AFAP1L1: variants seen among roughly 807,000 people sequenced by gnomAD.
AFAP1L1 encodes the protein actin filament associated protein 1 like 1.
AFAP1L1 carries 77 observed loss-of-function variants against 99.8 expected under a neutral mutation model. The observed-to-expected ratio is 0.77, with a 90% CI of 0.64 to 0.93. The LOEUF (loss-of-function observed/expected upper bound fraction) is 0.93. AFAP1L1 is among the 40% of genes least tolerant of loss of function. The pLI, the probability that AFAP1L1 is intolerant of heterozygous loss-of-function variation, is 0.00. For missense variants in AFAP1L1, 893 were observed against 996.8 expected, an observed-to-expected ratio of 0.90 and a Z score of 1.40; for synonymous variants, 373 against 395.3, an observed-to-expected ratio of 0.94 and a Z score of 0.67.
Position 149,322,618 on chromosome 5 carries a change from G to T in AFAP1L1, c.1711G>T (p.Glu571Ter), listed in dbSNP as rs368895712. The stretch of plus-strand genomic sequence containing the variant: ...CATCTCCCACCAGGACGAGGAGCCC[G>T]AGCGCCCCACAGGGGCCCAGGTGAA... ...PYEKMQDEEP[E>*]RPTGAQVKRH... Residue 571 changes from glutamate (E) to a stop codon, truncating the protein, a stop_gained, in exon 15 of 19, where the codon GAG becomes TAG. Transcript: ENST00000296721. LOFTEE classifies it high-confidence loss of function. 1.9e-6 allele frequency: 3 copies of T among 1,578,034 alleles called. No individual in the cohort carries two copies. The highest frequency in any genetic ancestry group is 1.7e-6 in the Non-Finnish European group (2 of 1,160,708).
intron 1 of AFAP1L1, among the ~76,000 whole-genome samples, chr5:149,297,449 A>T (rs1036576556): frequency 6.6e-6 from 1 of 152,134 alleles, no homozygotes; most frequent in Non-Finnish European, 1.5e-5. Flanking sequence ...CTGAAAAAAA[A>T]GGCATCCCAA....
rs557717575 is a variant in AFAP1L1, at chr5:149,307,818, T to TTCTCTCTCTGTCTCTC, written c.747+214_747+215insGTCTCTCTCTCTCTCT. On this transcript the variant is annotated intron_variant, in intron 7 of 18. Coordinates refer to ENST00000296721, the MANE Select transcript of AFAP1L1 (RefSeq NM_152406.4). Reference sequence around the variant, plus strand: ...ACACACACACACCCTGTGCCTCTCTTTCTCTCTCTCTCTCTCTCTCTCTCT... The same window carrying TTCTCTCTCTGTCTCTC: ...ACACACACACACCCTGTGCCTCTCTTTCTCTCTCTGTCTCTCTCTCTCTCTCTCTCTCTCTCTCTCT... Among the ~76,000 whole-genome samples the TTCTCTCTCTGTCTCTC allele has an allele frequency of 1.2e-3, 121 of 100,568 alleles. 2 individuals are homozygous for TTCTCTCTCTGTCTCTC. The highest frequency in any genetic ancestry group is 3.4e-3 in the Admixed American group (27 of 7,984). The allele number at this position is 100,568 out of a possible 152,430, so 66.0% of individuals were successfully genotyped here. A position where few individuals can be genotyped will look rare whatever the true frequency, so the allele number is the denominator to read the frequency against.
chr5:149,272,639 A>C (rs1246786918), intron 1 of AFAP1L1, among the ~76,000 whole-genome samples: 1 of 152,294 alleles, frequency 6.6e-6, no homozygotes, highest in Non-Finnish European at 1.5e-5. Context: ...GGACTTACTG[A>C]AATTGAGATT....
intron 8 of AFAP1L1, 22 bp from the exon 9 acceptor site, chr5:149,312,090 C>T (rs1756647722): frequency 2.5e-6 from 4 of 1,609,064 alleles, no homozygotes; most frequent in Non-Finnish European, 3.4e-6. Flanking sequence ...CACCCGTTCA[C>T]AGCTGTGTGT....
At chr5:149,298,373 T>C (rs916247973) in intron 1 of AFAP1L1, among the ~76,000 whole-genome samples, 1 of 152,224 alleles carries the variant, frequency 6.6e-6, no homozygotes, top group Non-Finnish European at 1.5e-5. Flanking sequence ...AAGAAAATAC[T>C]GTGAGTCAAT....
intron 1 of AFAP1L1, among the ~76,000 whole-genome samples, chr5:149,290,413 G>T (rs1297670593): frequency 6.6e-6 from 1 of 152,192 alleles, no homozygotes; most frequent in Non-Finnish European, 1.5e-5. Context: ...AGGTAGATAT[G>T]CTCACGTTAC....
At chr5:149,284,986 A>C (rs1755634005) in intron 1 of AFAP1L1, among the ~76,000 whole-genome samples, 1 of 152,206 alleles carries the variant, frequency 6.6e-6, no homozygotes, top group South Asian at 2.1e-4. Context: ...GCAGAAGCAG[A>C]GAGATATTTG....
rs1399729627 is a variant in AFAP1L1 at position 149,320,017 on chromosome 5, C to T, written c.1625+290C>T. On this transcript the variant is annotated intron_variant, in intron 13 of 18. Coordinates refer to ENST00000296721, the MANE Select transcript of AFAP1L1 (RefSeq NM_152406.4). This position sits in a 1 kb window ranked among gnomAD's most constrained non-coding sequence, Gnocchi z 4.0. ...CATGTCATGGGACTTTAAGCTTTCACACACTGGAGCATGGGCACGTGGCTA... is the reference window on the plus strand; with the variant it reads ...CATGTCATGGGACTTTAAGCTTTCATACACTGGAGCATGGGCACGTGGCTA... Among the ~76,000 whole-genome samples the T allele has an allele frequency of 6.6e-6, 1 of 152,208 alleles. No homozygotes were observed. Among genetic ancestry groups the T allele is most frequent in the Non-Finnish European group, 1.5e-5 (1 of 68,048 alleles).
chr5:149,299,231 G>C (rs551167411), intron 1 of AFAP1L1, among the ~76,000 whole-genome samples: 61 of 152,324 alleles, frequency 4.0e-4, no homozygotes, highest in Non-Finnish European at 7.8e-4. Context: ...CTGAGCTCAG[G>C]GTTGCCAGAT....
chr5:149,330,074 A>G (rs1217258507), intron 16 of AFAP1L1, among the ~76,000 whole-genome samples: 2 of 152,220 alleles, frequency 1.3e-5, no homozygotes, highest in Non-Finnish European at 2.9e-5. Context: ...AAGCATCACA[A>G]TAATGTATAC....
chr5:149,340,614 A>C lies in AFAP1L1; in HGVS notation c.*584A>C, dbSNP rs964791498. On this transcript the variant is annotated 3_prime_UTR_variant, in exon 19 of 19. Coordinates refer to ENST00000296721, the MANE Select transcript of AFAP1L1 (RefSeq NM_152406.4). ...TAGAGGACATGCAAATTCTACAGTC[A>C]TTCCTCATATGCTTTAGACAGAGTG... The C allele has an allele frequency of 2.0e-5, 3 of 152,920 alleles. No homozygotes were observed. Among genetic ancestry groups the C allele is most frequent in the African/African-American group, 7.2e-5 (3 of 41,470 alleles). The allele number at this position is 152,920 out of a possible 1,614,324, so 9.5% of individuals were successfully genotyped here.
At chr5:149,282,683 C>G (rs756664150) in intron 1 of AFAP1L1, among the ~76,000 whole-genome samples, 6 of 152,196 alleles carry the variant, frequency 3.9e-5, no homozygotes, top group Admixed American at 1.3e-4. Flanking sequence ...CAGAGGCCAA[C>G]AAAGCCTAAA....
At chr5:149,306,911 C>G (rs1337133929) in intron 6 of AFAP1L1, among the ~76,000 whole-genome samples, 1 of 152,080 alleles carries the variant, frequency 6.6e-6, no homozygotes, top group Non-Finnish European at 1.5e-5. Context: ...GGGAAGTAAC[C>G]AAGATCGCAA....
intron 1 of AFAP1L1, among the ~76,000 whole-genome samples, chr5:149,288,408 A>G (rs934798252): frequency 2.6e-5 from 4 of 152,188 alleles, no homozygotes; most frequent in Non-Finnish European, 5.9e-5. Flanking sequence ...AAGTGAGGTA[A>G]TCCATGCAAA....
intron 5 of AFAP1L1, among the ~76,000 whole-genome samples, chr5:149,304,881 A>G (rs1240212501): frequency 6.6e-6 from 1 of 152,140 alleles, no homozygotes; most frequent in Admixed American, 6.5e-5. Flanking sequence ...GATGCACAGG[A>G]GGGGCTAGGA....
intron 15 of AFAP1L1, among the ~76,000 whole-genome samples, chr5:149,323,066 A>G (rs901161127): frequency 6.6e-6 from 1 of 152,184 alleles, no homozygotes; most frequent in African/African-American, 2.4e-5. Context: ...CAATTACTTA[A>G]AAGAGGCCAG....
chr5:149,287,835 G>A (rs1405533205), intron 1 of AFAP1L1, among the ~76,000 whole-genome samples: 1 of 150,726 alleles, frequency 6.6e-6, no homozygotes, highest in Non-Finnish European at 1.5e-5. Flanking sequence ...GCCCACCTCA[G>A]CCTCCCAAAG....
At chr5:149,324,898 G>T (rs1474123124) in intron 15 of AFAP1L1, among the ~76,000 whole-genome samples, 2 of 152,210 alleles carry the variant, frequency 1.3e-5, no homozygotes, top group African/African-American at 4.8e-5. Context: ...GGCTGATGCT[G>T]CAAGGTCTTT....
intron 12 of AFAP1L1, 67 bp downstream of exon 12, chr5:149,318,007 T>A: frequency 6.6e-7 from 1 of 1,512,690 alleles, no homozygotes; most frequent in Non-Finnish European, 8.9e-7. Context: ...GTCATGTTTT[T>A]GTTTGGGGGA....
Sources: gnomAD v4.1 joint callset for allele counts (sites outside exome capture counted in the v4.1 genomes callset) on GRCh38, gnomAD v4.1.1 for gene constraint, Gnocchi (gnomAD v3.1) non-coding constraint, MANE v1.5 for transcripts, NCBI Gene and HGNC (gene_info 2026-07-23, HGNC 2026-07-21) for gene names.